The following AHRR variants were observed in gnomAD, a reference collection of about 807,000 sequenced individuals.
The protein encoded by AHRR is aryl hydrocarbon receptor repressor, also known as ahR repressor.
In AHRR, 28 loss-of-function variants were observed where a neutral mutation model predicts 44.0. The observed-to-expected ratio is 0.64, with a 90% CI of 0.47 to 0.87. The LOEUF (loss-of-function observed/expected upper bound fraction) is 0.87. AHRR is among the 40% of genes least tolerant of loss of function. The pLI is 0.00. For synonymous variants in AHRR, 434 were observed against 407.0 expected (o/e 1.07, Z -0.80); for missense variants, 990 against 953.9 (o/e 1.04, Z -0.50).
intron 1 of AHRR, among the ~76,000 whole-genome samples, chr5:331,743 G>A (rs1741920492): frequency 6.6e-6 from 1 of 152,174 alleles, no homozygotes; most frequent in African/African-American, 2.4e-5. Context: ...ATCAGCAGCA[G>A]CATTAGATTC....
chr5:391,540 C>CT, intron 4 of AHRR, among the ~76,000 whole-genome samples: 1 of 29,580 alleles, frequency 3.4e-5, no homozygotes, highest in African/African-American at 4.0e-4. Flanking sequence ...GCGAGGAGGG[C>CT]GCAGGGCGAG....
At chr5:417,703 T>C (rs1044435665) in intron 5 of AHRR, among the ~76,000 whole-genome samples, 3 of 151,898 alleles carry the variant, frequency 2.0e-5, no homozygotes, top group African/African-American at 7.2e-5. Flanking sequence ...TCTTGGCACT[T>C]GGTCATTTTT....
intron 2 of AHRR, 120 bp downstream of exon 2, chr5:344,084 G>T: frequency 1.8e-6 from 2 of 1,107,930 alleles, no homozygotes; most frequent in Non-Finnish European, 2.5e-6. Context: ...CGGGAGCCGG[G>T]CGGGCCGGGG....
intron 1 of AHRR, among the ~76,000 whole-genome samples, chr5:328,677 T>C (rs1560876631): frequency 6.6e-6 from 1 of 152,202 alleles, no homozygotes; most frequent in Non-Finnish European, 1.5e-5. Context: ...TTGTATCTCT[T>C]CTTTTAAAAA....
rs1225527264 is a variant in AHRR at position 406,116 on chromosome 5, A to G, written c.352-7228A>G. Among the ~76,000 whole-genome samples the G allele has an allele frequency of 3.3e-5, 5 of 152,240 alleles. No individual in the cohort carries two copies. Among genetic ancestry groups the G allele is most frequent in the African/African-American group, 1.2e-4 (5 of 41,472 alleles). On this transcript the variant is annotated intron_variant, in intron 4 of 10. Coordinates refer to ENST00000684583, the MANE Select transcript of AHRR (RefSeq NM_001377236.1). This position sits in a 1 kb window ranked among gnomAD's most constrained non-coding sequence, Gnocchi z 4.7. Reference sequence around the variant, plus strand: ...AAAAAAAACTAGGGAGAAAACGGGAAAGGAAAGGCATTGTCCGGAAGAAGC... The same window carrying G: ...AAAAAAAACTAGGGAGAAAACGGGAGAGGAAAGGCATTGTCCGGAAGAAGC...
At chr5:347,329 G>C (rs2721025) in intron 2 of AHRR, among the ~76,000 whole-genome samples, 11,730 of 152,158 alleles carry the variant, frequency 0.077, 678 homozygotes, top group African/African-American at 0.16. Context: ...TTTACATATA[G>C]TGTTCTTTGC....
chr5:329,075 T>G (rs570449221), intron 1 of AHRR, among the ~76,000 whole-genome samples: 1 of 152,358 alleles, frequency 6.6e-6, no homozygotes, highest in East Asian at 1.9e-4. Context: ...AGTGAGTGAA[T>G]TCTCATAAGA....
At chr5:412,861 C>T (rs1012275486) in intron 4 of AHRR, among the ~76,000 whole-genome samples, 8 of 151,986 alleles carry the variant, frequency 5.3e-5, no homozygotes, top group African/African-American at 1.9e-4. Flanking sequence ...GCTGGGACTA[C>T]AGTCGCACAC....
chr5:375,328 C>G (rs950272083), intron 3 of AHRR, among the ~76,000 whole-genome samples: 1 of 152,226 alleles, frequency 6.6e-6, no homozygotes, highest in African/African-American at 2.4e-5. Context: ...ACTTGATTTT[C>G]TGTCTGGGTC....
intron 2 of AHRR, among the ~76,000 whole-genome samples, chr5:349,295 T>C (rs1248592943): frequency 1.3e-5 from 2 of 152,214 alleles, no homozygotes; most frequent in Non-Finnish European, 2.9e-5. Flanking sequence ...GAAAACCTTT[T>C]GGCTGGGCGC....
chr5:360,698 G>A (rs905763755), intron 3 of AHRR, among the ~76,000 whole-genome samples: 3 of 152,172 alleles, frequency 2.0e-5, no homozygotes, highest in Non-Finnish European at 4.4e-5. Flanking sequence ...CCCGTGGAAC[G>A]CGAGGAAAGT....
intron 7 of AHRR, 52 bp downstream of exon 7, chr5:424,029 ACCCT>A: frequency 1.9e-6 from 3 of 1,562,986 alleles, no homozygotes; most frequent in Non-Finnish European, 2.6e-6. Context: ...GATGCATTCT[ACCCT>A]GGTGTGGAAG....
chr5:422,165 T>G (rs1736156385), intron 5 of AHRR, among the ~76,000 whole-genome samples: 1 of 152,104 alleles, frequency 6.6e-6, no homozygotes, highest in African/African-American at 2.4e-5. Context: ...TGGCCCGCAG[T>G]GTCAGCCTCT....
chr5:349,209 C>A (rs193107113), intron 2 of AHRR, among the ~76,000 whole-genome samples: 1 of 152,094 alleles, frequency 6.6e-6, no homozygotes, highest in African/African-American at 2.4e-5. Flanking sequence ...GGATATAAAC[C>A]CTTGTTGTGA....
intron 2 of AHRR, among the ~76,000 whole-genome samples, chr5:351,349 C>T (rs954303469): frequency 1.1e-4 from 16 of 152,190 alleles, no homozygotes; most frequent in African/African-American, 2.4e-4. Context: ...GAGGAGACAA[C>T]GCAAACGTCC....
At chr5:323,222 C>T (rs769272989) in intron 1 of AHRR, among the ~76,000 whole-genome samples, 5 of 152,234 alleles carry the variant, frequency 3.3e-5, no homozygotes, top group African/African-American at 4.8e-5. Flanking sequence ...GTCAGGAGGC[C>T]GGGGACAGCT....
At chr5:389,716 G>A (rs1445672801) in intron 4 of AHRR, among the ~76,000 whole-genome samples, 4 of 151,946 alleles carry the variant, frequency 2.6e-5, no homozygotes, top group African/African-American at 9.7e-5. Context: ...AAGGACCAGG[G>A]CGCAGATATG....
Position 332,757 on chromosome 5 carries a change from G to A in AHRR, c.-11+10938G>A, listed in dbSNP as rs532352747. On this transcript the variant is annotated intron_variant, in intron 1 of 10. Coordinates refer to ENST00000684583, the MANE Select transcript of AHRR (RefSeq NM_001377236.1). ...TTAGCTGATCTGTCTAATGCCATGAGTAGTGTGTTGAAGTCCCCACTATTA... is the reference window on the plus strand; with the variant it reads ...TTAGCTGATCTGTCTAATGCCATGAATAGTGTGTTGAAGTCCCCACTATTA... Among the ~76,000 whole-genome samples, 8 of 152,262 alleles carry A rather than the reference G, an allele frequency of 5.3e-5. No individual in the cohort carries two copies. In the South Asian group the frequency reaches 1.7e-3, roughly 32 times the overall value.
intron 8 of AHRR, among the ~76,000 whole-genome samples, chr5:429,143 G>C (rs541853760): frequency 2.0e-4 from 31 of 152,366 alleles, no homozygotes; most frequent in Admixed American, 3.9e-4. Flanking sequence ...TGCAAATGCT[G>C]TGCCTATAGA....
Sources: gnomAD v4.1 joint callset for allele counts (sites outside exome capture counted in the v4.1 genomes callset) on GRCh38, gnomAD v4.1.1 for gene constraint, Gnocchi (gnomAD v3.1) non-coding constraint, MANE v1.5 for transcripts, NCBI Gene and HGNC (gene_info 2026-07-23, HGNC 2026-07-21) for gene names.